Variants in GATA4 observed in about 807,000 individuals in gnomAD.
GATA4 encodes the protein GATA binding protein 4.
GATA4 carries 7 observed loss-of-function variants against 37.9 expected under a neutral mutation model. That is an observed-to-expected ratio of 0.18 (90% confidence interval 0.11 to 0.35). GATA4 has a LOEUF of 0.35. Among genes scored for constraint, GATA4 ranks in the 10% least tolerant of loss-of-function variants. The probability of loss-of-function intolerance (pLI) is 1.00; values close to 1 mark genes in which losing one functional copy is unlikely to be tolerated. For missense variants in GATA4, 647 were observed against 653.0 expected (o/e 0.99, Z 0.10); for synonymous variants, 372 against 292.6 (o/e 1.27, Z -2.77).
At chr8:11,716,501 G>A (rs1800438006) in intron 2 of GATA4, among the ~76,000 whole-genome samples, 1 of 152,302 alleles carries the variant, frequency 6.6e-6, no homozygotes, top group South Asian at 2.1e-4. Flanking sequence ...TGGCAATCCT[G>A]TATTTGGCTT....
At chr8:11,758,149 C>A in intron 6 of GATA4, 144 bp from the exon 7 acceptor site, 1 of 772,234 alleles carries the variant, frequency 1.3e-6, no homozygotes, top group Non-Finnish European at 2.2e-6. Flanking sequence ...TCAGGAGAAA[C>A]AGAGAGAAGT....
At chr8:11,747,230 A>G (rs1386638975) in intron 2 of GATA4, among the ~76,000 whole-genome samples, 1 of 152,238 alleles carries the variant, frequency 6.6e-6, no homozygotes, top group Non-Finnish European at 1.5e-5. Flanking sequence ...ATGAAGTCAG[A>G]GAGACTTCTG....
At chr8:11,695,505 C>G (rs771273767) in intron 1 of GATA4, among the ~76,000 whole-genome samples, 11 of 152,216 alleles carry the variant, frequency 7.2e-5, no homozygotes, top group Non-Finnish European at 1.5e-4. Context: ...GACTGCTTTT[C>G]CCTTAGTCCA....
chr8:11,694,840 CCTCTCT>C (rs150998418), intron 1 of GATA4, among the ~76,000 whole-genome samples: 1 of 151,118 alleles, frequency 6.6e-6, no homozygotes, highest in Admixed American at 6.6e-5. Context: ...CAATCTCTCT[CCTCTCT>C]CTCTCTCTGT....
chr8:11,697,465 G>A (rs749622696), intron 1 of GATA4: 4 of 734,402 alleles, frequency 5.4e-6, no homozygotes, highest in Non-Finnish European at 6.7e-6. Context: ...CCCAGCTGGG[G>A]AAGCGGTGTT....
rs1046642713 is a variant in GATA4 at position 11,709,915 on chromosome 8, A to G, written c.616+987A>G. On this transcript the variant is annotated intron_variant, in intron 2 of 6. Transcript: ENST00000532059. This position sits in a 1 kb window ranked among gnomAD's most constrained non-coding sequence, Gnocchi z 4.3. ...TGCAAACGACCTCTGGAATTTCGGGAAGAGACGGAGGAGTGAGTTTGGATT... is the reference window on the plus strand; with the variant it reads ...TGCAAACGACCTCTGGAATTTCGGGGAGAGACGGAGGAGTGAGTTTGGATT... Among the ~76,000 whole-genome samples, 1 of 152,164 alleles carries G rather than the reference A, an allele frequency of 6.6e-6. No homozygotes were observed. The highest frequency in any genetic ancestry group is 1.5e-5 in the Non-Finnish European group (1 of 68,020).
At chr8:11,678,913 A>C (rs149642333) in intron 1 of GATA4, among the ~76,000 whole-genome samples, 2 of 152,310 alleles carry the variant, frequency 1.3e-5, no homozygotes, top group East Asian at 3.9e-4. Context: ...CTTAGTATTG[A>C]GGAAGTGTTT....
chr8:11,710,523 A>AG (rs1800130760), intron 2 of GATA4, among the ~76,000 whole-genome samples: 1 of 137,780 alleles, frequency 7.3e-6, no homozygotes, highest in Non-Finnish European at 1.6e-5. Context: ...CTACTAAAAT[A>AG]CAAAAAAAAA....
chr8:11,686,945 G>T (rs979931904), intron 1 of GATA4, among the ~76,000 whole-genome samples: 9 of 151,638 alleles, frequency 5.9e-5, no homozygotes, highest in Admixed American at 3.3e-4. Flanking sequence ...TTGCAGTGAA[G>T]CGAGATTGCG....
At chr8:11,726,137 C>T (rs187443990) in intron 2 of GATA4, among the ~76,000 whole-genome samples, 11 of 152,298 alleles carry the variant, frequency 7.2e-5, no homozygotes, top group Admixed American at 3.3e-4. Context: ...AGATGCAGCC[C>T]GGAATCCATC....
chr8:11,700,996 G>T (rs1176219593), upstream of GATA4, among the ~76,000 whole-genome samples: 1 of 152,196 alleles, frequency 6.6e-6, no homozygotes, highest in Non-Finnish European at 1.5e-5. Flanking sequence ...GTGAATTCCA[G>T]CATCCACCGT....
chr8:11,717,079 C>T (rs1236152418), intron 2 of GATA4, among the ~76,000 whole-genome samples: 1 of 152,186 alleles, frequency 6.6e-6, no homozygotes, highest in Non-Finnish European at 1.5e-5. Flanking sequence ...AGGAGTATCG[C>T]TCTGCTATAT....
At chr8:11,725,102 C>T (rs1008592240) in intron 2 of GATA4, among the ~76,000 whole-genome samples, 1 of 152,208 alleles carries the variant, frequency 6.6e-6, no homozygotes, top group Non-Finnish European at 1.5e-5. Flanking sequence ...GAAGGAGTCA[C>T]GCTCTGTCCT....
upstream of GATA4, among the ~76,000 whole-genome samples, chr8:11,701,802 T>A (rs1214799470): frequency 2.0e-5 from 3 of 151,324 alleles, no homozygotes; most frequent in East Asian, 5.8e-4. Context: ...GGATCCCAGG[T>A]TTCAGTCCAC....
intron 2 of GATA4, among the ~76,000 whole-genome samples, chr8:11,736,707 T>A (rs779824671): frequency 3.9e-5 from 6 of 152,234 alleles, no homozygotes; most frequent in Non-Finnish European, 7.3e-5. Context: ...AGATTAGATT[T>A]TCTTTGAAGA....
At chr8:11,699,016 G>A (rs1585575204) in intron 1 of GATA4, among the ~76,000 whole-genome samples, 4 of 152,204 alleles carry the variant, frequency 2.6e-5, no homozygotes, top group Admixed American at 2.6e-4. Flanking sequence ...CCATCTCCGA[G>A]CAACTTTGAT....
chr8:11,678,040 AATAATAATAATAATAAT>A (rs1798838611), intron 1 of GATA4, among the ~76,000 whole-genome samples: 2 of 142,880 alleles, frequency 1.4e-5, no homozygotes, highest in African/African-American at 5.7e-5. Context: ...TAATAATAAT[AATAATAATAATAATAAT>A]AAATAGGAGT....
Position 11,682,683 on chromosome 8 carries a change from A to G in GATA4, c.-274+5620A>G, listed in dbSNP as rs146118590. Among the ~76,000 whole-genome samples, 435 of 152,356 alleles carry G rather than the reference A, an allele frequency of 2.9e-3. 3 individuals carry two copies. Among genetic ancestry groups the G allele is most frequent in the African/African-American group, 0.01 (418 of 41,582 alleles). The stretch of plus-strand genomic sequence containing the variant: ...AAAACTTGACCATGAGAAATTCAGA[A>G]GGAAGATGTGAAAGTCAGCTATGTC... On this transcript the variant is annotated intron_variant, in intron 1 of 6. Coordinates refer to the GATA4 transcript ENST00000528712.
chr8:11,716,260 T>C (rs1051868096), intron 2 of GATA4, among the ~76,000 whole-genome samples: 1 of 152,182 alleles, frequency 6.6e-6, no homozygotes, highest in African/African-American at 2.4e-5. Flanking sequence ...AATTAAGTTT[T>C]AAAAAACAGA....
Sources: gnomAD v4.1 joint callset for allele counts (sites outside exome capture counted in the v4.1 genomes callset) on GRCh38, gnomAD v4.1.1 for gene constraint, Gnocchi (gnomAD v3.1) non-coding constraint, MANE v1.5 for transcripts, NCBI Gene and HGNC (gene_info 2026-07-23, HGNC 2026-07-21) for gene names.